Variants in DOCK7 observed in about 807,000 individuals in gnomAD.
DOCK7 encodes the protein dedicator of cytokinesis protein 7.
Under a neutral mutation model 271.0 loss-of-function variants are expected in DOCK7, and 138 were observed. The ratio of observed to expected loss-of-function variants is 0.51; its 90% CI spans 0.44 to 0.59. The LOEUF is 0.59. DOCK7 is among the 20% of genes least tolerant of loss of function. The pLI is 0.00. For missense variants in DOCK7, 2,066 were observed against 2,592.4 expected, an observed-to-expected ratio of 0.80 and a Z score of 4.41; for synonymous variants, 823 against 876.1, an observed-to-expected ratio of 0.94 and a Z score of 1.07.
intron 2 of DOCK7, among the ~76,000 whole-genome samples, chr1:62,657,525 C>T (rs1301581899): frequency 6.6e-6 from 1 of 152,086 alleles, no homozygotes; most frequent in African/African-American, 2.4e-5. Flanking sequence ...ATACTAAGAA[C>T]GAGGAAAATC....
chr1:62,620,468 CCTT>C (rs1284029100), intron 12 of DOCK7, among the ~76,000 whole-genome samples: 2 of 151,934 alleles, frequency 1.3e-5, no homozygotes, highest in East Asian at 1.9e-4. Context: ...CAGTTTATTT[CCTT>C]TTTTATGCTT....
chr1:62,676,010 A>G (rs533957665), intron 1 of DOCK7, among the ~76,000 whole-genome samples: 1 of 152,170 alleles, frequency 6.6e-6, no homozygotes, highest in Non-Finnish European at 1.5e-5. Context: ...ACAAAATTAC[A>G]CTATGACCTA....
chr1:62,604,868 T>TC (rs776851296), intron 14 of DOCK7: 2 of 680,032 alleles, frequency 2.9e-6, no homozygotes, highest in Non-Finnish European at 4.1e-6. Context: ...TCATTCCAAG[T>TC]TAATGTGGTC....
intron 1 of DOCK7, among the ~76,000 whole-genome samples, chr1:62,675,492 T>C (rs1044478909): frequency 1.9e-4 from 29 of 151,938 alleles, no homozygotes; most frequent in African/African-American, 6.5e-4. Flanking sequence ...ATAAAAAAGG[T>C]CACTAGTTGG....
chr1:62,571,294 C>T (rs1646769102), intron 18 of DOCK7, among the ~76,000 whole-genome samples: 1 of 151,968 alleles, frequency 6.6e-6, no homozygotes. Context: ...AACAAACATA[C>T]GAAAAAAAGC....
chr1:62,528,202 C>T lies in DOCK7; in HGVS notation c.3885G>A (p.Gly1295=), dbSNP rs1645071850. 6.2e-7 allele frequency: 1 copy of T among 1,613,766 alleles called. No individual in the cohort carries two copies. The highest frequency in any genetic ancestry group is 8.5e-7 in the Non-Finnish European group (1 of 1,179,818). ...GCCTTGTTAGTTGAGGGACCGATGT[C>T]CCTGCGATTGCCATGGCAACGGTCT... ...ISQTVAMAIA[G]TSVPQLTRPG... is the part of the protein sequence containing the mutation. The change falls in exon 31 of 50, where the codon GGG becomes GGA. Residue 1295 remains glycine (G), a synonymous_variant. Transcript: ENST00000635253.
At chr1:62,560,964 A>G (rs1430101240) in intron 19 of DOCK7, among the ~76,000 whole-genome samples, 1 of 152,188 alleles carries the variant, frequency 6.6e-6, no homozygotes, top group Non-Finnish European at 1.5e-5. Context: ...GGAAAGAAAC[A>G]ATAAACAAAT....
At chr1:62,662,613 T>A (rs1658793379) in intron 2 of DOCK7, among the ~76,000 whole-genome samples, 1 of 151,692 alleles carries the variant, frequency 6.6e-6, no homozygotes, top group Non-Finnish European at 1.5e-5. Context: ...ATACAAAAAT[T>A]AGCTGGGCAT....
rs747936165 is a variant in DOCK7, at chr1:62,545,052, T to C, written c.2767-13A>G. The C allele has an allele frequency of 3.9e-6, 6 of 1,535,606 alleles. No homozygotes were observed. Among genetic ancestry groups the C allele is most frequent in the African/African-American group, 2.8e-5 (2 of 72,464 alleles). The stretch of plus-strand genomic sequence containing the variant: ...AGCGATCTAAACCCTAAGCATATAA[T>C]AGAAAGCAGTTTGAAAGGAAAGAAA... On this transcript the variant is annotated splice_polypyrimidine_tract_variant and intron_variant, in intron 22 of 49. Coordinates refer to ENST00000635253, the MANE Select transcript of DOCK7 (RefSeq NM_001367561.1).
At chr1:62,669,385 A>C (rs1305293598) in intron 1 of DOCK7, among the ~76,000 whole-genome samples, 1 of 152,224 alleles carries the variant, frequency 6.6e-6, no homozygotes, top group Non-Finnish European at 1.5e-5. Context: ...AAAAGAGTAC[A>C]GTGAAGTATC....
intron 37 of DOCK7, among the ~76,000 whole-genome samples, chr1:62,500,334 G>A (rs1026976373): frequency 1.3e-5 from 2 of 151,892 alleles, no homozygotes; most frequent in Admixed American, 6.6e-5. Flanking sequence ...CATGTGAGCT[G>A]GCAAAAGAAA....
chr1:62,605,837 C>T (rs1476361919), intron 14 of DOCK7: 2 of 151,898 alleles, frequency 1.3e-5, no homozygotes, highest in Non-Finnish European at 2.9e-5. Flanking sequence ...CAACAGATCC[C>T]TAAATCCCTA....
intron 2 of DOCK7, among the ~76,000 whole-genome samples, chr1:62,660,901 C>G (rs184656973): frequency 6.6e-6 from 1 of 152,202 alleles, no homozygotes; most frequent in East Asian, 1.9e-4. Flanking sequence ...GAGTTCAAGA[C>G]CAGCCTAGGC....
chr1:62,559,700 C>T (rs1184562709), intron 19 of DOCK7, among the ~76,000 whole-genome samples: 1 of 152,102 alleles, frequency 6.6e-6, no homozygotes. Flanking sequence ...GCTGTATCTT[C>T]TTCTTTTCCC....
intron 20 of DOCK7, among the ~76,000 whole-genome samples, chr1:62,558,348 C>G (rs1286463649): frequency 6.6e-6 from 1 of 152,070 alleles, no homozygotes; most frequent in East Asian, 1.9e-4. Flanking sequence ...TTGAATACTC[C>G]TCTCCTTTGT....
chr1:62,626,122 T>A (rs543091837), intron 11 of DOCK7, among the ~76,000 whole-genome samples: 1 of 152,114 alleles, frequency 6.6e-6, no homozygotes, highest in Non-Finnish European at 1.5e-5. Context: ...GTAAGTATAA[T>A]AGCCCATTTA....
chr1:62,508,144 A>T (rs1313300408), intron 34 of DOCK7, 86 bp from the exon 35 acceptor site: 8 of 1,183,728 alleles, frequency 6.8e-6, no homozygotes, highest in Non-Finnish European at 9.2e-6. Flanking sequence ...GAAATAAAAA[A>T]TTTCAAACCA....
rs140139002 is a variant in DOCK7, at chr1:62,686,920, A to G, written c.38+1307T>C. 5.9e-3 allele frequency among the ~76,000 whole-genome samples: 891 copies of G among 151,686 alleles called. 7 individuals are homozygous for G. The highest frequency in any genetic ancestry group is 0.02 in the African/African-American group (841 of 41,360). On this transcript the variant is annotated intron_variant, in intron 1 of 49. Transcript: ENST00000635253. The stretch of plus-strand genomic sequence containing the variant: ...CTCTGCCTCGAAAGCAGCTAGGACG[A>G]CAGGTGCAACACCACACCTGGCTAA...
intron 40 of DOCK7, among the ~76,000 whole-genome samples, chr1:62,493,283 T>C (rs1356685150): frequency 1.3e-5 from 2 of 152,154 alleles, no homozygotes. Flanking sequence ...TCTTATTCAA[T>C]GAGATTGGAA....
Sources: allele counts gnomAD v4.1 joint callset (sites outside exome capture counted in the v4.1 genomes callset), GRCh38; gene constraint gnomAD v4.1.1; transcripts MANE v1.5; gene names NCBI Gene and HGNC (gene_info 2026-07-23, HGNC 2026-07-21).